ASRGL1: variants seen among roughly 807,000 people sequenced by gnomAD.
ASRGL1 encodes the protein isoaspartyl peptidase/L-asparaginase.
A neutral mutation model predicts 22.4 loss-of-function variants in ASRGL1; 16 were observed. That is an observed-to-expected ratio of 0.71 (90% CI 0.48 to 1.08). The LOEUF (loss-of-function observed/expected upper bound fraction) is 1.08, where lower values mean the gene tolerates loss of function less well. Ranked by LOEUF, ASRGL1 falls within the 50% of genes least tolerant of loss-of-function variation. The pLI is 0.00. For synonymous variants in ASRGL1, 165 were observed against 159.3 expected (o/e 1.04, Z -0.27); for missense variants, 412 against 410.1 (o/e 1.00, Z -0.04).
At chr11:62,350,660 G>T (rs1946147005) in intron 2 of ASRGL1, among the ~76,000 whole-genome samples, 1 of 152,154 alleles carries the variant, frequency 6.6e-6, no homozygotes. Flanking sequence ...GCCGGGCGTG[G>T]TGGCACATAC....
chr11:62,387,303 G>T (rs1167126478), intron 4 of ASRGL1, among the ~76,000 whole-genome samples: 1 of 152,118 alleles, frequency 6.6e-6, no homozygotes, highest in Non-Finnish European at 1.5e-5. Context: ...CTTTGCAATG[G>T]CCTAAAGGTA....
At chr11:62,355,498 A>G (rs1946262019) in intron 2 of ASRGL1, among the ~76,000 whole-genome samples, 1 of 152,190 alleles carries the variant, frequency 6.6e-6, no homozygotes, top group Non-Finnish European at 1.5e-5. Flanking sequence ...TGCTGGAATT[A>G]CAGGCATAAG....
chr11:62,342,499 T>C (rs1316484705), intron 2 of ASRGL1, among the ~76,000 whole-genome samples: 3 of 152,204 alleles, frequency 2.0e-5, no homozygotes, highest in Non-Finnish European at 2.9e-5. Context: ...TTTTTACACA[T>C]AAATGGCAGC....
chr11:62,342,380 A>G (rs1945886918), intron 2 of ASRGL1, among the ~76,000 whole-genome samples: 3 of 152,222 alleles, frequency 2.0e-5, no homozygotes, highest in East Asian at 1.9e-4. Flanking sequence ...TGGCTAGCAG[A>G]TATTTAAGAA....
intron 4 of ASRGL1, among the ~76,000 whole-genome samples, chr11:62,362,557 ATTAT>A (rs373333186): frequency 1.8e-4 from 2 of 11,228 alleles, no homozygotes; most frequent in African/African-American, 3.9e-4. Context: ...TATAACATAT[ATTAT>A]TTATATAATA....
intron 2 of ASRGL1, among the ~76,000 whole-genome samples, chr11:62,353,788 A>G (rs551005931): frequency 3.9e-5 from 6 of 152,190 alleles, no homozygotes; most frequent in African/African-American, 9.6e-5. Context: ...GACATTTTGC[A>G]TATTATGTTT....
chr11:62,371,927 C>T (rs1223445051), intron 4 of ASRGL1: 5 of 577,830 alleles, frequency 8.7e-6, no homozygotes, highest in Non-Finnish European at 1.5e-5. Context: ...GCACTCTAGC[C>T]TGGGCAACAG....
At chr11:62,387,737 C>G (rs1007829100) in intron 4 of ASRGL1, among the ~76,000 whole-genome samples, 2 of 152,060 alleles carry the variant, frequency 1.3e-5, no homozygotes, top group Non-Finnish European at 2.9e-5. Context: ...TTTTTGTCAC[C>G]TGACATATTA....
Position 62,363,906 on chromosome 11 carries a change from T to C in ASRGL1, c.491+6762T>C, listed in dbSNP as rs11821255. Among the ~76,000 whole-genome samples, 1,514 of 152,136 alleles carry C rather than the reference T, an allele frequency of 1.0e-2. 29 individuals are homozygous for C. Among genetic ancestry groups the C allele is most frequent in the African/African-American group, 0.032 (1,325 of 41,528 alleles). The stretch of plus-strand genomic sequence containing the variant: ...GCTTAGTGGTTCACGCCTGTAATCC[T>C]AGCACTTTGGGAGGCCGAGGTGGGT... On this transcript the variant is annotated intron_variant, in intron 4 of 6. Transcript: ENST00000415229.
chr11:62,338,836 T>C (rs569266227), intron 2 of ASRGL1, among the ~76,000 whole-genome samples: 2 of 142,228 alleles, frequency 1.4e-5, no homozygotes, highest in South Asian at 4.5e-4. Context: ...CCCCAGCTAC[T>C]CGGGAGGCCG....
chr11:62,360,220 G>T (rs750616215), intron 4 of ASRGL1, among the ~76,000 whole-genome samples: 2 of 150,944 alleles, frequency 1.3e-5, no homozygotes, highest in Non-Finnish European at 3.0e-5. Context: ...TAGAGAGAGG[G>T]TTTCACCATG....
intron 2 of ASRGL1, among the ~76,000 whole-genome samples, chr11:62,343,495 C>T (rs375726508): frequency 3.3e-5 from 5 of 151,200 alleles, no homozygotes; most frequent in African/African-American, 9.7e-5. Context: ...TTTGGGAGGC[C>T]GACATGGGTG....
intron 4 of ASRGL1, among the ~76,000 whole-genome samples, chr11:62,369,062 G>A (rs564454568): frequency 4.2e-4 from 64 of 152,200 alleles, no homozygotes; most frequent in Admixed American, 1.7e-3. Context: ...GGACGGTCAG[G>A]TCTTTCCCTT....
In ASRGL1 at chr11:62,373,428, C is replaced by T. The variant is rs190858045; in HGVS notation, c.492-15705C>T. The stretch of plus-strand genomic sequence containing the variant: ...CTTGCTCGTAGTTGACTTACCATTC[C>T]TACAAAGAGGCAGAAACTTTGAGCA... On this transcript the variant is annotated intron_variant, in intron 4 of 6. Transcript: ENST00000415229. 8.5e-5 allele frequency among the ~76,000 whole-genome samples: 13 copies of T among 152,186 alleles called. No homozygotes were observed. The East Asian group carries it at 2.5e-3, about 29-fold the overall frequency.
At chr11:62,374,223 A>C (rs1946853888) in intron 4 of ASRGL1, among the ~76,000 whole-genome samples, 2 of 152,196 alleles carry the variant, frequency 1.3e-5, no homozygotes, top group African/African-American at 4.8e-5. Flanking sequence ...GGATTACCAA[A>C]GAGTCCCCTT....
At chr11:62,367,063 G>A (rs565791820) in intron 4 of ASRGL1, among the ~76,000 whole-genome samples, 1 of 152,136 alleles carries the variant, frequency 6.6e-6, no homozygotes, top group African/African-American at 2.4e-5. Context: ...AATTAGTCGG[G>A]CATGGTGGCG....
At chr11:62,361,377 G>T (rs911342100) in intron 4 of ASRGL1, among the ~76,000 whole-genome samples, 8 of 151,734 alleles carry the variant, frequency 5.3e-5, no homozygotes, top group Non-Finnish European at 8.8e-5. Context: ...GTAGAGACGG[G>T]GTCTTGCCAT....
chr11:62,384,225 C>T (rs1947149673), intron 4 of ASRGL1, among the ~76,000 whole-genome samples: 1 of 152,012 alleles, frequency 6.6e-6, no homozygotes, highest in Non-Finnish European at 1.5e-5. Flanking sequence ...AAAAAAAAGT[C>T]CGGGCGCAGT....
At chr11:62,366,729 T>G (rs1946619772) in intron 4 of ASRGL1, among the ~76,000 whole-genome samples, 1 of 152,196 alleles carries the variant, frequency 6.6e-6, no homozygotes, top group Admixed American at 6.5e-5. Context: ...CAGGCTGGCC[T>G]TGAGCTCCTG....
Sources: allele counts gnomAD v4.1 joint callset (sites outside exome capture counted in the v4.1 genomes callset), GRCh38; gene constraint gnomAD v4.1.1; transcripts MANE v1.5; gene names NCBI Gene and HGNC (gene_info 2026-07-23, HGNC 2026-07-21).